The following RPH3A variants were observed in gnomAD, a reference collection of about 807,000 sequenced individuals.
RPH3A encodes rabphilin-3A.
A neutral mutation model predicts 102.2 loss-of-function variants in RPH3A; 48 were observed. The observed-to-expected ratio is 0.47, with a 90% CI of 0.37 to 0.60. RPH3A has a LOEUF of 0.60. RPH3A is among the 20% of genes least tolerant of loss of function. The pLI is 0.00. For synonymous variants in RPH3A, 310 were observed against 324.3 expected (o/e 0.96, Z 0.47); for missense variants, 781 against 910.1 (o/e 0.86, Z 1.83).
chr12:112,743,242 G>T (rs916261582), intron 1 of RPH3A, among the ~76,000 whole-genome samples: 1 of 152,178 alleles, frequency 6.6e-6, no homozygotes, highest in African/African-American at 2.4e-5. Context: ...GGGTGGGGAG[G>T]AGCAGCAGTA....
chr12:112,588,161 T>C (rs1400809850), intron 1 of RPH3A, among the ~76,000 whole-genome samples: 2 of 152,200 alleles, frequency 1.3e-5, no homozygotes, highest in Non-Finnish European at 2.9e-5. Context: ...TAAATATTTG[T>C]TGAGCAAATG....
chr12:112,881,167 C>G (rs1469765177), intron 14 of RPH3A, among the ~76,000 whole-genome samples: 2 of 152,152 alleles, frequency 1.3e-5, no homozygotes, highest in East Asian at 3.8e-4. Flanking sequence ...CAGAGTATGT[C>G]TAAGCCCCAG....
chr12:112,783,831 G>A (rs2041025947), intron 1 of RPH3A, among the ~76,000 whole-genome samples: 1 of 152,152 alleles, frequency 6.6e-6, no homozygotes, highest in Non-Finnish European at 1.5e-5. Context: ...GAGTGTCTTA[G>A]CCACTAAATG....
chr12:112,766,219 C>T (rs2040887545), intron 1 of RPH3A, among the ~76,000 whole-genome samples: 1 of 152,186 alleles, frequency 6.6e-6, no homozygotes. Context: ...GTTCCATACT[C>T]ATGTTGTATG....
intron 1 of RPH3A, among the ~76,000 whole-genome samples, chr12:112,610,358 C>G (rs912798050): frequency 1.4e-4 from 22 of 151,898 alleles, no homozygotes; most frequent in African/African-American, 5.1e-4. Context: ...CAAAAATTAG[C>G]TTGGCGTGGT....
chr12:112,782,024 G>C (rs934486568), intron 1 of RPH3A, among the ~76,000 whole-genome samples: 1 of 152,256 alleles, frequency 6.6e-6, no homozygotes, highest in African/African-American at 2.4e-5. Flanking sequence ...GGCTATTATG[G>C]AAGCTGAATT....
chr12:112,760,224 T>C (rs1759951401), intron 1 of RPH3A, among the ~76,000 whole-genome samples: 2 of 152,244 alleles, frequency 1.3e-5, no homozygotes, highest in African/African-American at 2.4e-5. Context: ...ATTGCGTTCA[T>C]GGAGACCCAG....
intron 4 of RPH3A, 109 bp downstream of exon 4, chr12:112,836,611 G>C (rs2042055848): frequency 4.9e-6 from 2 of 406,760 alleles, no homozygotes; most frequent in Non-Finnish European, 8.3e-6. Context: ...AAAGGAACTA[G>C]CAAATTTTAA....
chr12:112,765,686 A>G (rs903639490), intron 1 of RPH3A, among the ~76,000 whole-genome samples: 8 of 152,222 alleles, frequency 5.3e-5, no homozygotes, highest in African/African-American at 1.9e-4. Flanking sequence ...GCAATTTTCC[A>G]TATAAACCTT....
chr12:112,631,439 G>A (rs1244344477), intron 1 of RPH3A, among the ~76,000 whole-genome samples: 1 of 152,118 alleles, frequency 6.6e-6, no homozygotes, highest in East Asian at 1.9e-4. Flanking sequence ...AAGGGGTTCA[G>A]CCTTTTAATT....
chr12:112,675,310 C>T (rs1465926111), intron 1 of RPH3A, among the ~76,000 whole-genome samples: 1 of 152,160 alleles, frequency 6.6e-6, no homozygotes, highest in Non-Finnish European at 1.5e-5. Flanking sequence ...ACCAAAAATG[C>T]TAGAACAAGT....
chr12:112,584,047 A>T (rs941878575), intron 1 of RPH3A, among the ~76,000 whole-genome samples: 4 of 152,104 alleles, frequency 2.6e-5, no homozygotes, highest in Non-Finnish European at 5.9e-5. Context: ...GGACTCTGAG[A>T]CTCTTAAGAT....
At chr12:112,681,315 T>C (rs1176566743) in intron 1 of RPH3A, among the ~76,000 whole-genome samples, 2 of 152,232 alleles carry the variant, frequency 1.3e-5, no homozygotes, top group Non-Finnish European at 2.9e-5. Context: ...CTGCTTCAGA[T>C]GTGCCCCTGC....
At chr12:112,885,752 T>C (rs114060328) in intron 16 of RPH3A, among the ~76,000 whole-genome samples, 2,993 of 152,310 alleles carry the variant, frequency 0.02, 119 homozygotes, top group African/African-American at 0.068. Flanking sequence ...TATCCCTGTG[T>C]TATAAACAAT....
chr12:112,894,194 A>G, intron 19 of RPH3A: 1 of 240,356 alleles, frequency 4.2e-6, no homozygotes, highest in South Asian at 8.2e-5. Flanking sequence ...AATGCCAGGC[A>G]CCACCAGCCA....
chr12:112,583,213 AC>A (rs2039412960), intron 1 of RPH3A, among the ~76,000 whole-genome samples: 1 of 152,214 alleles, frequency 6.6e-6, no homozygotes, highest in Non-Finnish European at 1.5e-5. Flanking sequence ...ATTATCCTCA[AC>A]GACAATAATA....
At chr12:112,587,488 T>A (rs898204095) in intron 1 of RPH3A, among the ~76,000 whole-genome samples, 1 of 152,212 alleles carries the variant, frequency 6.6e-6, no homozygotes, top group Non-Finnish European at 1.5e-5. Flanking sequence ...TTAGTCCAGT[T>A]TCATTATCTG....
chr12:112,834,204 A>G (rs1248259023), intron 3 of RPH3A, among the ~76,000 whole-genome samples: 1 of 152,188 alleles, frequency 6.6e-6, no homozygotes, highest in African/African-American at 2.4e-5. Context: ...CTGGAATTTC[A>G]TATAAATGGA....
intron 1 of RPH3A, among the ~76,000 whole-genome samples, chr12:112,634,654 T>A (rs1691429029): frequency 6.6e-6 from 1 of 152,214 alleles, no homozygotes; most frequent in Non-Finnish European, 1.5e-5. Flanking sequence ...ATGCAGGATG[T>A]TGTCCCATCT....
Sources: allele counts gnomAD v4.1 joint callset (sites outside exome capture counted in the v4.1 genomes callset), GRCh38; gene constraint gnomAD v4.1.1; transcripts MANE v1.5; gene names NCBI Gene and HGNC (gene_info 2026-07-23, HGNC 2026-07-21).